ARB2A: variants seen among roughly 807,000 people sequenced by gnomAD.
ARB2A encodes ARB2 cotranscriptional regulator A.
chr5:94,005,379 T>C, the ARB2A span, among the ~76,000 whole-genome samples: 4 of 152,132 alleles, frequency 2.6e-5, no homozygotes. Context: ...AATTTTCTTT[T>C]TGTATTTTAG....
the ARB2A span, among the ~76,000 whole-genome samples, chr5:93,621,510 G>C: frequency 1.3e-5 from 2 of 152,194 alleles, no homozygotes; most frequent in East Asian, 1.9e-4. Flanking sequence ...CGAGGCCTCC[G>C]CCTCTCCGGG....
chr5:93,873,304 G>T, the ARB2A span, among the ~76,000 whole-genome samples: 6 of 103,160 alleles, frequency 5.8e-5, no homozygotes, highest in Admixed American at 4.4e-4. Context: ...AAAAAAAAGG[G>T]GGGGGGGAAA....
At chr5:93,623,742 A>G in the ARB2A span, among the ~76,000 whole-genome samples, 1 of 152,146 alleles carries the variant, frequency 6.6e-6, no homozygotes, top group South Asian at 2.1e-4. Flanking sequence ...AATTGCTAGG[A>G]GTAAAGGTAA....
the ARB2A span, among the ~76,000 whole-genome samples, chr5:94,004,707 C>T: frequency 1.3e-5 from 2 of 151,726 alleles, no homozygotes; most frequent in Non-Finnish European, 2.9e-5. Flanking sequence ...CTATCAATTC[C>T]CCATGAATAC....
the ARB2A span, among the ~76,000 whole-genome samples, chr5:93,996,485 T>C: frequency 2.6e-5 from 4 of 152,086 alleles, no homozygotes; most frequent in African/African-American, 9.7e-5. Context: ...GATTATTCAG[T>C]GCACTTAGCA....
chr5:93,772,330 T>C, the ARB2A span, among the ~76,000 whole-genome samples: 1 of 152,030 alleles, frequency 6.6e-6, no homozygotes. Context: ...CGGGGAGGGA[T>C]AGCTTTAGGA....
the ARB2A span, among the ~76,000 whole-genome samples, chr5:93,681,011 G>A: frequency 6.6e-6 from 1 of 152,130 alleles, no homozygotes; most frequent in African/African-American, 2.4e-5. Flanking sequence ...CCTTTTATCT[G>A]CAAATAAGTT....
the ARB2A span, among the ~76,000 whole-genome samples, chr5:93,682,258 AAAC>A: frequency 8.0e-3 from 1,220 of 151,728 alleles, 9 homozygotes; most frequent in Middle Eastern, 0.014. Context: ...AAAAAAAAAA[AAAC>A]ATTTCTCACA....
chr5:93,857,453 C>T, the ARB2A span, among the ~76,000 whole-genome samples: 193 of 152,230 alleles, frequency 1.3e-3, no homozygotes, highest in African/African-American at 4.4e-3. Flanking sequence ...TCGAGCTTCC[C>T]GACTGTTTTG....
At chr5:93,957,488 CAGTTT>C in the ARB2A span, among the ~76,000 whole-genome samples, 1,868 of 152,176 alleles carry the variant, frequency 0.012, 40 homozygotes, top group African/African-American at 0.043. Context: ...AAATCCGAAA[CAGTTT>C]AAACATAATA....
chr5:93,961,682 CAAAAAAG>C, the ARB2A span, among the ~76,000 whole-genome samples: 1 of 149,086 alleles, frequency 6.7e-6, no homozygotes, highest in Non-Finnish European at 1.5e-5. Flanking sequence ...GACTCTGTCT[CAAAAAAG>C]AAAAAAGAGG....
At chr5:93,772,617 A>G in the ARB2A span, among the ~76,000 whole-genome samples, 1 of 152,176 alleles carries the variant, frequency 6.6e-6, no homozygotes, top group Non-Finnish European at 1.5e-5. Context: ...CAGCTGAGTG[A>G]TATTAGCTCA....
chr5:93,762,618 A>G, the ARB2A span, among the ~76,000 whole-genome samples: 134 of 152,184 alleles, frequency 8.8e-4, no homozygotes, highest in Non-Finnish European at 1.4e-3. Context: ...CGAAGTTGGA[A>G]AACACTCTGC....
the ARB2A span, among the ~76,000 whole-genome samples, chr5:94,068,667 C>T: frequency 2.6e-5 from 4 of 152,032 alleles, no homozygotes; most frequent in Non-Finnish European, 4.4e-5. Context: ...GCCCTCTTTA[C>T]TACCTGATTG....
chr5:94,098,631 T>C, the ARB2A span, among the ~76,000 whole-genome samples: 2 of 151,996 alleles, frequency 1.3e-5, no homozygotes, highest in Non-Finnish European at 2.9e-5. Flanking sequence ...TAACAAAAAT[T>C]AGAGCTGAAC....
chr5:93,705,550 C>T, the ARB2A span, among the ~76,000 whole-genome samples: 1 of 147,890 alleles, frequency 6.8e-6, no homozygotes, highest in Non-Finnish European at 1.5e-5. Flanking sequence ...TGACATTATG[C>T]TTCTAAATTG....
At chr5:94,052,646 A>G in the ARB2A span, among the ~76,000 whole-genome samples, 4 of 152,214 alleles carry the variant, frequency 2.6e-5, no homozygotes, top group Non-Finnish European at 4.4e-5. Context: ...TGTAAAGGTT[A>G]TTGTATTCAG....
At chr5:93,894,748 T>C in the ARB2A span, among the ~76,000 whole-genome samples, 1 of 152,126 alleles carries the variant, frequency 6.6e-6, no homozygotes, top group Non-Finnish European at 1.5e-5. Flanking sequence ...TTACAATACC[T>C]ACAAACTCAG....
the ARB2A span, among the ~76,000 whole-genome samples, chr5:93,667,984 A>T: frequency 6.6e-6 from 1 of 152,204 alleles, no homozygotes; most frequent in Non-Finnish European, 1.5e-5. Flanking sequence ...GCTACACTTA[A>T]TTTTATACAA....
Sources: allele counts gnomAD v4.1 joint callset (sites outside exome capture counted in the v4.1 genomes callset), GRCh38; gene constraint gnomAD v4.1.1; transcripts MANE v1.5; gene names NCBI Gene and HGNC (gene_info 2026-07-23, HGNC 2026-07-21).